The following C11orf97 variants were observed in gnomAD, a reference collection of about 807,000 sequenced individuals.
The protein encoded by C11orf97 is uncharacterized protein C11orf97.
Under a neutral mutation model 16.2 loss-of-function variants are expected in C11orf97, and 15 were observed. That is an observed-to-expected ratio of 0.93 (90% CI 0.62 to 1.43). The LOEUF (loss-of-function observed/expected upper bound fraction) is 1.43. C11orf97 is among the 40% of genes most tolerant of loss of function. The pLI is 0.00. For missense variants in C11orf97, 171 were observed against 161.2 expected (o/e 1.06, Z -0.33); for synonymous variants, 61 against 65.7 (o/e 0.93, Z 0.34).
At chr11:94,523,205 C>T (rs902542320) in intron 2 of C11orf97, among the ~76,000 whole-genome samples, 1 of 152,186 alleles carries the variant, frequency 6.6e-6, no homozygotes, top group Non-Finnish European at 1.5e-5. Context: ...ACCTGCCTGG[C>T]CTCTTCCTAT....
At chr11:94,528,007 A>G in intron 2 of C11orf97, 77 bp from the exon 3 acceptor site, 3 of 1,374,556 alleles carry the variant, frequency 2.2e-6, no homozygotes, top group Non-Finnish European at 2.9e-6. Context: ...AAAATCACCA[A>G]TTAAATACTT....
At chr11:94,524,345 T>C (rs1947682508) in intron 2 of C11orf97, among the ~76,000 whole-genome samples, 1 of 152,164 alleles carries the variant, frequency 6.6e-6, no homozygotes, top group Non-Finnish European at 1.5e-5. Context: ...TGGGTTCTTC[T>C]ATCTCTCTTT....
chr11:94,523,434 T>A (rs996691621), intron 2 of C11orf97, among the ~76,000 whole-genome samples: 1 of 152,200 alleles, frequency 6.6e-6, no homozygotes, highest in South Asian at 2.1e-4. Flanking sequence ...TCAGTAAGAG[T>A]CCAGATTGGA....
chr11:94,530,075 A>G (rs1193903402), intron 3 of C11orf97, among the ~76,000 whole-genome samples: 2 of 152,258 alleles, frequency 1.3e-5, no homozygotes, highest in African/African-American at 4.8e-5. Flanking sequence ...TACAAGTCCA[A>G]TAAATTATCC....
chr11:94,512,733 G>C, intron 1 of C11orf97, 60 bp downstream of exon 1: 2 of 1,232,320 alleles, frequency 1.6e-6, no homozygotes, highest in South Asian at 4.0e-5. Flanking sequence ...ACGAGTGACA[G>C]GGCAATTGGG....
intron 2 of C11orf97, among the ~76,000 whole-genome samples, chr11:94,519,205 G>A (rs1947637941): frequency 6.6e-6 from 1 of 152,116 alleles, no homozygotes; most frequent in African/African-American, 2.4e-5. Context: ...ACCACGCCCG[G>A]CCCCACTTTA....
At chr11:94,513,023 A>G (rs995821976) in intron 1 of C11orf97, among the ~76,000 whole-genome samples, 1 of 152,170 alleles carries the variant, frequency 6.6e-6, no homozygotes, top group Non-Finnish European at 1.5e-5. Flanking sequence ...GTATGTATGT[A>G]TGTATGCGTA....
rs372105166 is a variant in C11orf97 at position 94,512,592 on chromosome 11, G to A, written c.64G>A (p.Glu22Lys). The change falls in exon 1 of 4, where the codon GAG becomes AAG. Residue 22 changes from glutamate to lysine, a missense_variant. Transcript: ENST00000542198. ...VVAPKAGREE[E>K]QPPPPAGLGC... Reference sequence around the variant, plus strand: ...GGCGCCCAAGGCGGGTCGCGAAGAGGAGCAGCCTCCTCCGCCAGCAGGGCT... The same window carrying A: ...GGCGCCCAAGGCGGGTCGCGAAGAGAAGCAGCCTCCTCCGCCAGCAGGGCT... 2.3e-5 allele frequency: 30 copies of A among 1,283,184 alleles called. No individual in the cohort carries two copies. The African/African-American group carries it at 4.0e-4, about 17-fold the overall frequency. The allele number at this position is 1,283,184 out of a possible 1,614,324, so 79.5% of individuals were successfully genotyped here.
chr11:94,523,233 A>C (rs1947673549), intron 2 of C11orf97, among the ~76,000 whole-genome samples: 2 of 152,206 alleles, frequency 1.3e-5, no homozygotes, highest in Admixed American at 1.3e-4. Context: ...TGAATTTGTG[A>C]CTTTGGATAA....
At chr11:94,522,393 C>T (rs929686192) in intron 2 of C11orf97, among the ~76,000 whole-genome samples, 2 of 152,018 alleles carry the variant, frequency 1.3e-5, no homozygotes, top group African/African-American at 2.4e-5. Context: ...AAAAATTAGC[C>T]GGGCGTGGTG....
intron 3 of C11orf97, among the ~76,000 whole-genome samples, chr11:94,529,092 G>A (rs956112028): frequency 2.4e-4 from 36 of 152,166 alleles, no homozygotes; most frequent in African/African-American, 7.0e-4. Context: ...AATTTACCCC[G>A]GTTCGCTCAG....
intron 2 of C11orf97, among the ~76,000 whole-genome samples, chr11:94,525,696 T>G (rs1286308752): frequency 6.6e-6 from 1 of 152,200 alleles, no homozygotes; most frequent in Non-Finnish European, 1.5e-5. Flanking sequence ...TATTTTTCTT[T>G]CTGTAGTCAA....
intron 2 of C11orf97, among the ~76,000 whole-genome samples, chr11:94,523,989 A>G (rs1195897968): frequency 1.3e-5 from 2 of 152,132 alleles, no homozygotes; most frequent in African/African-American, 4.8e-5. Flanking sequence ...TGGACTTTTG[A>G]TTCCTTGTAG....
intron 2 of C11orf97, among the ~76,000 whole-genome samples, chr11:94,526,675 G>A (rs1947703427): frequency 6.6e-6 from 1 of 152,178 alleles, no homozygotes; most frequent in South Asian, 2.1e-4. Context: ...CAGAGGCTGG[G>A]GAGCAGCCCT....
Position 94,517,432 on chromosome 11 carries a change from CTTTCCA to C in C11orf97, c.146-150_146-145del, listed in dbSNP as rs1240565754. 2.2e-5 allele frequency: 9 copies of C among 410,620 alleles called. No individual in the cohort carries two copies. The East Asian group carries it at 3.3e-4, about 15-fold the overall frequency. The allele number at this position is 410,620 out of a possible 1,614,324, so 25.4% of individuals were successfully genotyped here. A position where few individuals can be genotyped will look rare whatever the true frequency, so the allele number is the denominator to read the frequency against. ...AACCTAAAGTTTCCATGGAAGAGAT[CTTTCCA>C]AGATAGAGCCTTCAGGGCAAATTGT... On this transcript the variant is annotated intron_variant, in intron 1 of 3. Transcript: ENST00000542198.
chr11:94,514,259 C>A (rs536569550), intron 1 of C11orf97, among the ~76,000 whole-genome samples: 1 of 148,530 alleles, frequency 6.7e-6, no homozygotes, highest in Admixed American at 6.7e-5. Context: ...AGGCATTCCA[C>A]AAGTTTCAGG....
chr11:94,524,457 CT>C (rs1947683807), intron 2 of C11orf97, among the ~76,000 whole-genome samples: 1 of 151,954 alleles, frequency 6.6e-6, no homozygotes, highest in Admixed American at 6.6e-5. Context: ...TACTAGTTTT[CT>C]GTAGGTTCAG....
chr11:94,518,084 C>T (rs996926845), intron 2 of C11orf97, among the ~76,000 whole-genome samples: 72 of 146,398 alleles, frequency 4.9e-4, no homozygotes, highest in African/African-American at 1.6e-3. Flanking sequence ...GGAGGCAGAG[C>T]TTGCAGTAAG....
chr11:94,529,917 T>C (rs1047845792), intron 3 of C11orf97, among the ~76,000 whole-genome samples: 39 of 152,226 alleles, frequency 2.6e-4, no homozygotes, highest in Non-Finnish European at 1.8e-4. Context: ...TTATCTCAAC[T>C]TTCCACTCAA....
Sources: gnomAD v4.1 joint callset for allele counts (sites outside exome capture counted in the v4.1 genomes callset) on GRCh38, gnomAD v4.1.1 for gene constraint, MANE v1.5 for transcripts, NCBI Gene and HGNC (gene_info 2026-07-23, HGNC 2026-07-21) for gene names.